Variants in GRIK4 observed in about 807,000 individuals in gnomAD.
The protein encoded by GRIK4 is glutamate ionotropic receptor kainate type subunit 4, also known as glutamate receptor ionotropic, kainate 4.
GRIK4 carries 40 observed loss-of-function variants against 104.9 expected under a neutral mutation model. That is an observed-to-expected ratio of 0.38 (90% confidence interval 0.30 to 0.50). The LOEUF is 0.50. Among genes scored for constraint, GRIK4 ranks in the 20% least tolerant of loss-of-function variants. The probability of loss-of-function intolerance (pLI) is 0.93; values close to 1 mark genes in which losing one functional copy is unlikely to be tolerated. For missense variants in GRIK4, 1,047 were observed against 1,308.1 expected, an observed-to-expected ratio of 0.80 and a Z score of 3.08; for synonymous variants, 485 against 524.9, an observed-to-expected ratio of 0.92 and a Z score of 1.04.
At chr11:120,913,577 C>A (rs150428916) in intron 13 of GRIK4, among the ~76,000 whole-genome samples, 3 of 151,972 alleles carry the variant, frequency 2.0e-5, no homozygotes, top group African/African-American at 7.2e-5. Context: ...ACCCCGTTGG[C>A]ATTCAACTCC....
At chr11:120,766,353 G>A (rs192941292) in intron 3 of GRIK4, among the ~76,000 whole-genome samples, 5 of 152,328 alleles carry the variant, frequency 3.3e-5, no homozygotes, top group East Asian at 1.9e-4. Flanking sequence ...TGCTGGCAGC[G>A]GGAATTTCAG....
At chr11:120,872,010 AC>A (rs2135671857) in intron 9 of GRIK4, 1 of 430,572 alleles carries the variant, frequency 2.3e-6, no homozygotes, top group East Asian at 7.0e-5. Flanking sequence ...AAGCCCATCC[AC>A]CCTGCCTGTA....
At chr11:120,541,971 A>T (rs1165243254) in intron 1 of GRIK4, among the ~76,000 whole-genome samples, 1 of 152,234 alleles carries the variant, frequency 6.6e-6, no homozygotes, top group Admixed American at 6.5e-5. Flanking sequence ...AAAAACCCTA[A>T]AATTCATATG....
intron 3 of GRIK4, among the ~76,000 whole-genome samples, chr11:120,701,953 T>C (rs577554296): frequency 2.2e-4 from 13 of 59,066 alleles, no homozygotes; most frequent in African/African-American, 1.7e-3. Flanking sequence ...ATTCCAAGCT[T>C]TTTTTTTTTT....
At position 120,879,866 on chromosome 11, in the gene GRIK4, A is replaced by G. The variant is rs1954916299; in HGVS notation, c.1164+4623A>G. 1.3e-5 allele frequency among the ~76,000 whole-genome samples: 2 copies of G among 152,148 alleles called. 1 individual carries two copies. Among genetic ancestry groups the G allele is most frequent in the South Asian group, 4.2e-4 (2 of 4,814 alleles). ...TAGGAAAGTATAGTCTCCCTTCCTG[A>G]TTTGGGAGAAATCTTTGGAAGAGGC... On this transcript the variant is annotated intron_variant, in intron 11 of 20. Coordinates refer to ENST00000527524, the MANE Select transcript of GRIK4 (RefSeq NM_014619.5).
intron 8 of GRIK4, among the ~76,000 whole-genome samples, chr11:120,851,303 G>T (rs1046625867): frequency 1.3e-5 from 2 of 152,110 alleles, no homozygotes; most frequent in Non-Finnish European, 2.9e-5. Context: ...ATAAGCTCTT[G>T]CTGTTCTGGG....
At chr11:120,672,612 C>T (rs182076510) in intron 3 of GRIK4, among the ~76,000 whole-genome samples, 3 of 152,220 alleles carry the variant, frequency 2.0e-5, no homozygotes, top group African/African-American at 7.2e-5. Flanking sequence ...CCTTGAGCAG[C>T]AGTTTGTAGT....
At chr11:120,868,254 C>G (rs1954479861) in intron 9 of GRIK4, 1 of 152,034 alleles carries the variant, frequency 6.6e-6, no homozygotes, top group African/African-American at 2.4e-5. Flanking sequence ...AAACAATTTG[C>G]AAACAGCTCA....
At chr11:120,914,583 G>A (rs1330008771) in intron 13 of GRIK4, among the ~76,000 whole-genome samples, 2 of 152,120 alleles carry the variant, frequency 1.3e-5, no homozygotes, top group East Asian at 3.9e-4. Context: ...TAGGTGAGGT[G>A]GACGGTGAGA....
rs540661608 is a variant in GRIK4, at chr11:120,808,096, G to GA, written c.247+5247dup. On this transcript the variant is annotated intron_variant, in intron 4 of 20. Transcript: ENST00000527524. ...TAGCATGAGCAAAGGCTTAAGGCAG[G>GA]AAAAAAAATGGGATACATTGGGATG... 9.4e-4 allele frequency among the ~76,000 whole-genome samples: 143 copies of GA among 151,992 alleles called. 1 individual carries two copies. The highest frequency in any genetic ancestry group is 1.2e-3 in the Admixed American group (19 of 15,276).
intron 1 of GRIK4, among the ~76,000 whole-genome samples, chr11:120,554,366 G>T (rs1948167760): frequency 1.3e-5 from 2 of 152,092 alleles, no homozygotes; most frequent in African/African-American, 4.8e-5. Context: ...GTGCAGGTGG[G>T]GTCAGGCCTC....
Position 120,597,887 on chromosome 11 carries a change from C to T in GRIK4, c.-158-55798C>T, listed in dbSNP as rs79853024. ...GAGCGGGAGTGCCTGCCGTTGAAGA[C>T]TCCTGTTCCGAGCCCTAATTACTGC... is the stretch of plus-strand genomic sequence containing the variant. On this transcript the variant is annotated intron_variant, in intron 1 of 20. Coordinates refer to ENST00000527524, the MANE Select transcript of GRIK4 (RefSeq NM_014619.5). Among the ~76,000 whole-genome samples, 5 of 152,290 alleles carry T rather than the reference C, an allele frequency of 3.3e-5. 1 individual carries two copies. The highest frequency in any genetic ancestry group is 7.3e-5 in the Non-Finnish European group (5 of 68,034).
chr11:120,732,055 C>T (rs1951140620), intron 3 of GRIK4, among the ~76,000 whole-genome samples: 1 of 152,070 alleles, frequency 6.6e-6, no homozygotes, highest in South Asian at 2.1e-4. Flanking sequence ...TTTATATGTG[C>T]TCTGATCTTT....
intron 1 of GRIK4, among the ~76,000 whole-genome samples, chr11:120,542,416 G>A (rs528497314): frequency 2.6e-5 from 4 of 152,248 alleles, no homozygotes; most frequent in South Asian, 4.2e-4. Context: ...TGGGTATGAT[G>A]CCAAAAGCAT....
chr11:120,643,025 A>G (rs772196951), intron 1 of GRIK4, among the ~76,000 whole-genome samples: 2 of 152,120 alleles, frequency 1.3e-5, no homozygotes, highest in Non-Finnish European at 2.9e-5. Context: ...CATGTTTCCC[A>G]TACTCATTCA....
intron 16 of GRIK4, among the ~76,000 whole-genome samples, chr11:120,958,065 G>A (rs1944204749): frequency 6.6e-6 from 1 of 152,240 alleles, no homozygotes; most frequent in South Asian, 2.1e-4. Context: ...AGTCACGGAA[G>A]TCCCACCCAC....
intron 1 of GRIK4, among the ~76,000 whole-genome samples, chr11:120,585,343 CTTTTT>C (rs138152898): frequency 1.4e-5 from 2 of 143,756 alleles, no homozygotes; most frequent in African/African-American, 2.6e-5. Flanking sequence ...CTCTCTCTCT[CTTTTT>C]TTTTTTTCTT....
intron 1 of GRIK4, among the ~76,000 whole-genome samples, chr11:120,536,975 C>G (rs1356939237): frequency 6.6e-6 from 1 of 152,180 alleles, no homozygotes; most frequent in African/African-American, 2.4e-5. Context: ...CATGCTCCAC[C>G]CTGTGAGCAT....
At chr11:120,922,948 C>T (rs913326999) in intron 13 of GRIK4, among the ~76,000 whole-genome samples, 8 of 152,174 alleles carry the variant, frequency 5.3e-5, no homozygotes, top group South Asian at 2.1e-4. Flanking sequence ...GTAGTATGGT[C>T]GATGCATTTG....
Sources: gnomAD v4.1 joint callset for allele counts (sites outside exome capture counted in the v4.1 genomes callset) on GRCh38, gnomAD v4.1.1 for gene constraint, MANE v1.5 for transcripts, NCBI Gene and HGNC (gene_info 2026-07-23, HGNC 2026-07-21) for gene names.